ESRRG: variants seen among roughly 807,000 people sequenced by gnomAD.
ESRRG encodes the protein estrogen related receptor gamma.
ESRRG carries 13 observed loss-of-function variants against 44.0 expected under a neutral mutation model. That is an observed-to-expected ratio of 0.30 (90% CI 0.19 to 0.47). ESRRG has a LOEUF of 0.47. ESRRG is among the 20% of genes least tolerant of loss of function. The pLI is 1.00. For synonymous variants in ESRRG, 215 were observed against 214.6 expected, an observed-to-expected ratio of 1.00 and a Z score of -0.02; for missense variants, 395 against 580.6, an observed-to-expected ratio of 0.68 and a Z score of 3.29.
intron 6 of ESRRG, among the ~76,000 whole-genome samples, chr1:216,517,365 A>G (rs2065804): frequency 0.51 from 76,920 of 151,978 alleles, 20,588 homozygotes; most frequent in East Asian, 0.72. Flanking sequence ...CAGAGACAGA[A>G]ATGCTGCTAC....
At chr1:216,708,048 GA>G (rs2082785666) in intron 1 of ESRRG, among the ~76,000 whole-genome samples, 1 of 152,108 alleles carries the variant, frequency 6.6e-6, no homozygotes, top group Non-Finnish European at 1.5e-5. Flanking sequence ...AATTTTTTAA[GA>G]TAGCAACTGT....
chr1:216,909,678 C>T (rs1013644440), intron 2 of ESRRG, among the ~76,000 whole-genome samples: 3 of 152,096 alleles, frequency 2.0e-5, no homozygotes, highest in Admixed American at 1.3e-4. Flanking sequence ...AGCCACCGTG[C>T]CCGGCCTCCT....
intron 1 of ESRRG, among the ~76,000 whole-genome samples, chr1:217,062,416 GA>G (rs998807257): frequency 7.2e-5 from 11 of 152,116 alleles, no homozygotes; most frequent in Non-Finnish European, 1.5e-4. Context: ...TGGTGTCAAA[GA>G]ACAGGGCACT....
At chr1:216,673,758 T>C (rs1356468794) in intron 2 of ESRRG, among the ~76,000 whole-genome samples, 1 of 152,234 alleles carries the variant, frequency 6.6e-6, no homozygotes, top group Non-Finnish European at 1.5e-5. Flanking sequence ...ATTCTATCTT[T>C]ACAAAACATA....
At chr1:216,818,680 C>G (rs935551743) in intron 2 of ESRRG, among the ~76,000 whole-genome samples, 4 of 151,942 alleles carry the variant, frequency 2.6e-5, no homozygotes, top group Non-Finnish European at 5.9e-5. Context: ...AAATGTGTGC[C>G]ATGGTGGTTT....
chr1:216,950,209 C>T (rs1191117348), intron 1 of ESRRG, among the ~76,000 whole-genome samples: 1 of 152,148 alleles, frequency 6.6e-6, no homozygotes, highest in East Asian at 1.9e-4. Context: ...TAGAGAGCAA[C>T]GTGGTTTCTG....
chr1:217,079,899 TCTCTGTTTAAATG>T (rs2091613588), intron 1 of ESRRG, among the ~76,000 whole-genome samples: 2 of 152,244 alleles, frequency 1.3e-5, no homozygotes, highest in Admixed American at 1.3e-4. Flanking sequence ...ATTTGTGCAG[TCTCTGTTTAAATG>T]CTCTGTTTCA....
At chr1:216,714,570 T>G in intron 1 of ESRRG, 1 of 982,380 alleles carries the variant, frequency 1.0e-6, no homozygotes, top group Non-Finnish European at 1.2e-6. Flanking sequence ...GTGACCACAT[T>G]CTCAGGATAG....
intron 2 of ESRRG, among the ~76,000 whole-genome samples, chr1:216,771,462 T>C (rs1351321029): frequency 1.3e-5 from 2 of 152,166 alleles, no homozygotes; most frequent in Admixed American, 1.3e-4. Context: ...CCTAAGGGAA[T>C]TTATAATATA....
chr1:216,587,482 T>C (rs2056872437), intron 3 of ESRRG, among the ~76,000 whole-genome samples: 1 of 152,074 alleles, frequency 6.6e-6, no homozygotes, highest in Non-Finnish European at 1.5e-5. Flanking sequence ...TGAGGACAAA[T>C]TTATGGAAAA....
chr1:217,050,466 C>A (rs1196728924), intron 1 of ESRRG, among the ~76,000 whole-genome samples: 1 of 152,158 alleles, frequency 6.6e-6, no homozygotes, highest in African/African-American at 2.4e-5. Flanking sequence ...AGGCATTCTG[C>A]ACGTGAGTGA....
intron 1 of ESRRG, among the ~76,000 whole-genome samples, chr1:217,049,335 C>T (rs1406564280): frequency 6.6e-6 from 1 of 152,176 alleles, no homozygotes; most frequent in Non-Finnish European, 1.5e-5. Flanking sequence ...TCTCCTAAAC[C>T]TATTTGCCTG....
At chr1:216,594,056 C>T (rs2058088837) in intron 3 of ESRRG, among the ~76,000 whole-genome samples, 1 of 152,092 alleles carries the variant, frequency 6.6e-6, no homozygotes, top group Non-Finnish European at 1.5e-5. Flanking sequence ...TCAAGAGAAA[C>T]CTGTTATAAG....
intron 2 of ESRRG, among the ~76,000 whole-genome samples, chr1:216,895,298 T>A (rs1054563612): frequency 1.5e-4 from 23 of 152,218 alleles, no homozygotes; most frequent in Non-Finnish European, 1.5e-4. Flanking sequence ...TTTAAAAATA[T>A]GACTGTCATC....
intron 1 of ESRRG, among the ~76,000 whole-genome samples, chr1:217,007,622 T>C (rs1560451430): frequency 1.3e-5 from 2 of 152,170 alleles, no homozygotes; most frequent in Non-Finnish European, 2.9e-5. Flanking sequence ...ATAAAATTCT[T>C]CTCCTTCCTT....
chr1:217,026,061 G>T (rs1321868955), intron 1 of ESRRG, among the ~76,000 whole-genome samples: 2 of 152,122 alleles, frequency 1.3e-5, no homozygotes, highest in Non-Finnish European at 2.9e-5. Context: ...ATCCACTGAG[G>T]TCACCCGTGC....
chr1:217,061,261 C>T (rs1490847990), intron 1 of ESRRG, among the ~76,000 whole-genome samples: 2 of 152,080 alleles, frequency 1.3e-5, no homozygotes, highest in Non-Finnish European at 2.9e-5. Context: ...ATTACCGAAG[C>T]ATTACCTTCC....
At position 216,561,138 on chromosome 1, in the gene ESRRG, A is replaced by T. The variant is rs182627283; in HGVS notation, c.862+3081T>A. On this transcript the variant is annotated intron_variant, in intron 5 of 6. Transcript: ENST00000408911. The stretch of plus-strand genomic sequence containing the variant: ...AAGTCAACTAATTCTATTTACTGAT[A>T]AAAAAAACCTATTCCATATGTATTT... 1.3e-3 allele frequency among the ~76,000 whole-genome samples: 198 copies of T among 151,942 alleles called. 1 individual carries two copies. The highest frequency in any genetic ancestry group is 4.8e-3 in the East Asian group (25 of 5,168).
chr1:217,063,253 G>T (rs1580281759), intron 1 of ESRRG, among the ~76,000 whole-genome samples: 1 of 152,264 alleles, frequency 6.6e-6, no homozygotes, highest in East Asian at 1.9e-4. Flanking sequence ...AAGCATTTTA[G>T]GAAGTTGGCA....
Sources: gnomAD v4.1 joint callset for allele counts (sites outside exome capture counted in the v4.1 genomes callset) on GRCh38, gnomAD v4.1.1 for gene constraint, MANE v1.5 for transcripts, NCBI Gene and HGNC (gene_info 2026-07-23, HGNC 2026-07-21) for gene names.